The following MAD1L1 variants were observed in gnomAD, a reference collection of about 807,000 sequenced individuals.
MAD1L1 encodes the protein mitotic arrest deficient 1 like 1.
In MAD1L1, 95 loss-of-function variants were observed where a neutral mutation model predicts 96.9. The ratio of observed to expected loss-of-function variants is 0.98; its 90% CI spans 0.83 to 1.16. MAD1L1 has a LOEUF of 1.16. Ranked by LOEUF, MAD1L1 falls within the 50% of genes most tolerant of loss-of-function variation. The pLI is 0.00. For missense variants in MAD1L1, 1,007 were observed against 954.4 expected, an observed-to-expected ratio of 1.06 and a Z score of -0.73; for synonymous variants, 473 against 396.6, an observed-to-expected ratio of 1.19 and a Z score of -2.29.
intron 18 of MAD1L1, among the ~76,000 whole-genome samples, chr7:1,837,717 T>C (rs1177110002): frequency 1.3e-5 from 2 of 152,174 alleles, no homozygotes; most frequent in Non-Finnish European, 2.9e-5. Flanking sequence ...ACAGAAACTC[T>C]GGAAAACGTG....
intron 17 of MAD1L1, among the ~76,000 whole-genome samples, chr7:1,899,646 C>G (rs184448847): frequency 2.6e-5 from 4 of 152,274 alleles, no homozygotes; most frequent in African/African-American, 9.6e-5. Context: ...AGAGATGAGT[C>G]TGAAGGCCCC....
chr7:2,031,572 C>T (rs1395335604), intron 12 of MAD1L1, among the ~76,000 whole-genome samples: 5 of 152,262 alleles, frequency 3.3e-5, no homozygotes, highest in Admixed American at 3.3e-4. Context: ...TGAACCAGCA[C>T]CAGCCTTGTT....
At chr7:2,153,953 C>A (rs562012313) in intron 10 of MAD1L1, among the ~76,000 whole-genome samples, 1 of 152,086 alleles carries the variant, frequency 6.6e-6, no homozygotes, top group Non-Finnish European at 1.5e-5. Context: ...GTCAGGAGTT[C>A]GAGACCAGCC....
chr7:2,186,272 G>A (rs1387847562), intron 10 of MAD1L1, among the ~76,000 whole-genome samples: 1 of 152,166 alleles, frequency 6.6e-6, no homozygotes, highest in Non-Finnish European at 1.5e-5. Flanking sequence ...CTAAATCTGT[G>A]TGTTAATAGC....
At chr7:2,060,893 C>T (rs1784633329) in intron 12 of MAD1L1, among the ~76,000 whole-genome samples, 1 of 152,238 alleles carries the variant, frequency 6.6e-6, no homozygotes, top group African/African-American at 2.4e-5. Flanking sequence ...CAGCAAACGT[C>T]GGTGAGCTGG....
rs371637008 is a variant in MAD1L1 at position 2,230,069 on chromosome 7, G to C, written c.65C>G (p.Ser22Cys). ...STLRSLNNFI[S>C]QRVEGGSGLD... ...TCCAGAGCCTCCCTCCACACGCTGA[G>C]AGATGAAGTTGTTCAAAGATCTCAG... is the stretch of plus-strand genomic sequence containing the variant. The change falls in exon 3 of 19, where the codon TCT (serine) becomes TGT (cysteine). Residue 22 changes from serine (S) to cysteine (C), a missense_variant. Ser to Cys is a moderately radical substitution (Grantham distance 112, BLOSUM62 -1). Transcript: ENST00000265854. The C allele has an allele frequency of 2.5e-6, 4 of 1,613,000 alleles. No homozygotes were observed. The African/African-American group carries it at 5.3e-5, about 22-fold the overall frequency.
intron 10 of MAD1L1, among the ~76,000 whole-genome samples, chr7:2,173,310 G>T (rs557450264): frequency 1.3e-5 from 2 of 152,178 alleles, no homozygotes; most frequent in South Asian, 4.1e-4. Flanking sequence ...CCCCTCTGCC[G>T]CCCCGCAGGT....
At chr7:2,213,407 A>G (rs761622361) in intron 9 of MAD1L1, 134 bp from the exon 10 acceptor site, 9 of 789,970 alleles carry the variant, frequency 1.1e-5, no homozygotes, top group Non-Finnish European at 1.9e-5. Flanking sequence ...GCTGGGCGCT[A>G]CATGCTCCAA....
chr7:2,014,661 G>A lies in MAD1L1; in HGVS notation c.1219-19C>T. 1 of 1,599,160 alleles carries A rather than the reference G, an allele frequency of 6.3e-7. No individual in the cohort carries two copies. Among genetic ancestry groups the A allele is most frequent in the South Asian group, 1.1e-5 (1 of 89,414 alleles). On this transcript the variant is annotated intron_variant, in intron 12 of 18. Coordinates refer to ENST00000265854, the MANE Select transcript of MAD1L1 (RefSeq NM_001013836.2). ...CCCGCTCCTGTGGACACAGAGGGCA[G>A]CTGATCAGGACCCGGGACGGGGGAT...
intron 17 of MAD1L1, among the ~76,000 whole-genome samples, chr7:1,910,081 G>A (rs1169273678): frequency 6.6e-6 from 1 of 152,144 alleles, no homozygotes; most frequent in Admixed American, 6.5e-5. Context: ...ATTACGGGGT[G>A]GGAGAGTCCT....
chr7:2,008,166 A>C (rs1485169294), intron 13 of MAD1L1, among the ~76,000 whole-genome samples: 1 of 152,262 alleles, frequency 6.6e-6, no homozygotes, highest in African/African-American at 2.4e-5. Flanking sequence ...TGGAATCCCC[A>C]GAGCTCGGGG....
At chr7:1,824,570 G>A (rs1448403575) in intron 18 of MAD1L1, among the ~76,000 whole-genome samples, 1 of 152,128 alleles carries the variant, frequency 6.6e-6, no homozygotes, top group Non-Finnish European at 1.5e-5. Context: ...TCCCCACCTC[G>A]CTGCAGCAGG....
At chr7:2,195,489 C>T (rs1034591794) in intron 10 of MAD1L1, among the ~76,000 whole-genome samples, 1 of 152,162 alleles carries the variant, frequency 6.6e-6, no homozygotes, top group East Asian at 1.9e-4. Context: ...CAAATAGACT[C>T]GTAAATAATT....
At chr7:2,042,606 G>A (rs1219960761) in intron 12 of MAD1L1, among the ~76,000 whole-genome samples, 1 of 152,190 alleles carries the variant, frequency 6.6e-6, no homozygotes, top group East Asian at 1.9e-4. Flanking sequence ...TGGATTATGA[G>A]GGCGGATCCC....
chr7:2,090,580 C>T (rs1412773390), intron 11 of MAD1L1, among the ~76,000 whole-genome samples: 1 of 152,168 alleles, frequency 6.6e-6, no homozygotes, highest in Non-Finnish European at 1.5e-5. Context: ...GATCAGGGTG[C>T]CATTAGTTGC....
chr7:2,026,265 A>G (rs1176624006), intron 12 of MAD1L1, among the ~76,000 whole-genome samples: 2 of 152,210 alleles, frequency 1.3e-5, no homozygotes, highest in Non-Finnish European at 1.5e-5. Context: ...TTCACCAGGA[A>G]GATAATTCAC....
At chr7:1,829,101 G>A (rs1168889268) in intron 18 of MAD1L1, among the ~76,000 whole-genome samples, 2 of 152,246 alleles carry the variant, frequency 1.3e-5, no homozygotes, top group East Asian at 3.9e-4. Context: ...AGCACATTGG[G>A]CGTGGGCTGT....
chr7:2,061,713 C>A (rs971354692), intron 12 of MAD1L1, among the ~76,000 whole-genome samples: 25 of 152,252 alleles, frequency 1.6e-4, no homozygotes, highest in African/African-American at 6.0e-4. Context: ...CGTGTTAAAA[C>A]GTCCACGTCA....
At chr7:1,919,742 T>C (rs1460787917) in intron 17 of MAD1L1, among the ~76,000 whole-genome samples, 3 of 152,250 alleles carry the variant, frequency 2.0e-5, no homozygotes, top group Non-Finnish European at 2.9e-5. Flanking sequence ...CAAGGTCACA[T>C]GGCTGCTGGT....
Sources: allele counts gnomAD v4.1 joint callset (sites outside exome capture counted in the v4.1 genomes callset), GRCh38; gene constraint gnomAD v4.1.1; transcripts MANE v1.5; gene names NCBI Gene and HGNC (gene_info 2026-07-23, HGNC 2026-07-21).